The following AHCY variants were observed in gnomAD, a reference collection of about 807,000 sequenced individuals.
AHCY encodes adenosylhomocysteinase.
Under a neutral mutation model 45.4 loss-of-function variants are expected in AHCY, and 24 were observed. The ratio of observed to expected loss-of-function variants is 0.53; its 90% CI spans 0.38 to 0.74. The LOEUF (loss-of-function observed/expected upper bound fraction) is 0.74. Among genes scored for constraint, AHCY ranks in the 30% least tolerant of loss-of-function variants. The pLI, the probability that AHCY is intolerant of heterozygous loss-of-function variation, is 0.00. For synonymous variants in AHCY, 245 were observed against 235.1 expected, an observed-to-expected ratio of 1.04 and a Z score of -0.39; for missense variants, 449 against 594.1, an observed-to-expected ratio of 0.76 and a Z score of 2.54.
chr20:34,308,955 A>AT (rs769193254), intron 1 of AHCY, among the ~76,000 whole-genome samples: 8,838 of 89,578 alleles, frequency 0.099, 1,650 homozygotes, highest in African/African-American at 0.36. Flanking sequence ...CGCCTGGCCA[A>AT]TTTTTTTTTT....
intron 1 of AHCY, among the ~76,000 whole-genome samples, chr20:34,309,966 T>C (rs1005458034): frequency 6.7e-5 from 10 of 149,864 alleles, no homozygotes; most frequent in African/African-American, 2.2e-4. Flanking sequence ...AAGGAAACAA[T>C]AGAAGAACCA....
At chr20:34,310,247 G>T (rs2122854508) in intron 1 of AHCY, among the ~76,000 whole-genome samples, 1 of 152,222 alleles carries the variant, frequency 6.6e-6, no homozygotes, top group South Asian at 2.1e-4. Flanking sequence ...TTTTAATAGA[G>T]ATGGGGTTTC....
chr20:34,252,703 C>T, the AHCY span, among the ~76,000 whole-genome samples: 3 of 152,084 alleles, frequency 2.0e-5, no homozygotes, highest in African/African-American at 4.8e-5. Context: ...TTATGGGTGT[C>T]GGGTTGGGGG....
chr20:34,269,332 T>C, the AHCY span: 3 of 850,400 alleles, frequency 3.5e-6, no homozygotes, highest in Non-Finnish European at 5.0e-6. Flanking sequence ...AAATACAATA[T>C]ATATAGGCTG....
chr20:34,278,990 T>A (rs1277696484), downstream of AHCY, among the ~76,000 whole-genome samples: 1 of 150,546 alleles, frequency 6.6e-6, no homozygotes, highest in Non-Finnish European at 1.5e-5. Flanking sequence ...GCATCTGTAA[T>A]CCCAGCTACT....
chr20:34,285,380 G>C, intron 9 of AHCY, 60 bp downstream of exon 9: 1 of 1,593,894 alleles, frequency 6.3e-7, no homozygotes, highest in Non-Finnish European at 8.6e-7. Context: ...GGCAAGCCCT[G>C]TGTGGGGATC....
chr20:34,285,564 C>T lies in AHCY; in HGVS notation c.1043G>A (p.Gly348Asp). ...GAAGCTGGGGTGGCCCATGGCACAA[C>T]CCAGGTTGACCAGCCGACCCTCGGC... is the stretch of plus-strand genomic sequence containing the variant. The part of the protein sequence containing the change: ...LLAEGRLVNL[G>D]CAMGHPSFVM... The change falls in exon 9 of 10, where the codon GGT becomes GAT. Residue 348 changes from glycine (G) to aspartate (D), a missense_variant. Coordinates refer to ENST00000217426, the MANE Select transcript of AHCY (RefSeq NM_000687.4). 2 of 1,614,182 alleles carry T rather than the reference C, an allele frequency of 1.2e-6. No individual in the cohort carries two copies. The highest frequency in any genetic ancestry group is 1.7e-6 in the Non-Finnish European group (2 of 1,180,018).
intron 1 of AHCY, chr20:34,311,444 G>C (rs1430978360): frequency 6.6e-6 from 1 of 152,276 alleles, no homozygotes; most frequent in Non-Finnish European, 1.5e-5. Flanking sequence ...AGCAGGTCCC[G>C]GTCCCTCCTC....
chr20:34,235,786 G>GAAGA, the AHCY span, among the ~76,000 whole-genome samples: 642 of 61,376 alleles, frequency 0.01, 43 homozygotes, highest in Non-Finnish European at 0.015. Context: ...CTCTGAGAAA[G>GAAGA]AAGAAAGAAA....
At chr20:34,308,621 G>A (rs929318200) in intron 1 of AHCY, among the ~76,000 whole-genome samples, 40 of 151,740 alleles carry the variant, frequency 2.6e-4, no homozygotes, top group Non-Finnish European at 8.8e-5. Flanking sequence ...ATCAAGACTA[G>A]GAACCAAATT....
chr20:34,272,464 C>G, the AHCY span, among the ~76,000 whole-genome samples: 1 of 152,172 alleles, frequency 6.6e-6, no homozygotes, highest in Non-Finnish European at 1.5e-5. Context: ...GGGCTCAGTC[C>G]CCAAGACTGC....
At chr20:34,276,504 G>A (rs576597911), downstream of AHCY, among the ~76,000 whole-genome samples, 34 of 152,216 alleles carry the variant, frequency 2.2e-4, no homozygotes, top group African/African-American at 7.9e-4. Context: ...TGACAACACT[G>A]AGCAGGGTTG....
At chr20:34,294,192 G>C (rs1266847216) in intron 2 of AHCY, 36 bp from the exon 3 acceptor site, 1 of 1,599,240 alleles carries the variant, frequency 6.3e-7, no homozygotes, top group African/African-American at 1.3e-5. Flanking sequence ...GTTGGTCACT[G>C]ATGGCTCAAA....
the AHCY span, among the ~76,000 whole-genome samples, chr20:34,273,777 G>A: frequency 6.6e-6 from 1 of 152,160 alleles, no homozygotes; most frequent in African/African-American, 2.4e-5. Context: ...AGGAGTAGAA[G>A]GTGTGTATGT....
At chr20:34,245,601 G>A in the AHCY span, among the ~76,000 whole-genome samples, 1 of 151,746 alleles carries the variant, frequency 6.6e-6, no homozygotes, top group African/African-American at 2.4e-5. Flanking sequence ...ATATTGGCCA[G>A]GCTGGTCTCG....
At chr20:34,277,627 C>T (rs1261844008), downstream of AHCY, among the ~76,000 whole-genome samples, 2 of 151,714 alleles carry the variant, frequency 1.3e-5, no homozygotes, top group Non-Finnish European at 2.9e-5. Flanking sequence ...CGGTGGCGGG[C>T]GCCTGTAGTC....
the AHCY span, among the ~76,000 whole-genome samples, chr20:34,244,682 CTAA>C: frequency 6.6e-6 from 1 of 152,144 alleles, no homozygotes; most frequent in South Asian, 2.1e-4. Context: ...GTTATTTCTT[CTAA>C]TGTCTTCTAA....
At chr20:34,299,418 T>C (rs916005399) in intron 1 of AHCY, among the ~76,000 whole-genome samples, 11 of 152,204 alleles carry the variant, frequency 7.2e-5, no homozygotes, top group African/African-American at 2.7e-4. Flanking sequence ...GTCCTGTGCT[T>C]TTCCACCTAC....
At chr20:34,244,212 T>C in the AHCY span, among the ~76,000 whole-genome samples, 1 of 152,250 alleles carries the variant, frequency 6.6e-6, no homozygotes. Flanking sequence ...TTGCAGCATC[T>C]GATTTAAAGT....
Sources: gnomAD v4.1 joint callset for allele counts (sites outside exome capture counted in the v4.1 genomes callset) on GRCh38, gnomAD v4.1.1 for gene constraint, MANE v1.5 for transcripts, NCBI Gene and HGNC (gene_info 2026-07-23, HGNC 2026-07-21) for gene names.